Variants in RAPGEF2 observed in about 807,000 individuals in gnomAD.
RAPGEF2 encodes the protein PDZ domain containing guanine nucleotide exchange factor (GEF) 1.
In RAPGEF2, 54 loss-of-function variants were observed where a neutral mutation model predicts 186.7. That is an observed-to-expected ratio of 0.29 (90% confidence interval 0.23 to 0.36). The LOEUF (loss-of-function observed/expected upper bound fraction) is 0.36. RAPGEF2 is among the 10% of genes least tolerant of loss of function. The pLI is 1.00. For synonymous variants in RAPGEF2, 712 were observed against 705.9 expected (o/e 1.01, Z -0.14); for missense variants, 1,532 against 2,045.0 (o/e 0.75, Z 4.84).
chr4:159,273,642 CTTTCTTT>C (rs1758420865), intron 7 of RAPGEF2, among the ~76,000 whole-genome samples: 45 of 109,566 alleles, frequency 4.1e-4, no homozygotes, highest in African/African-American at 1.2e-3. Context: ...TTCTTTCTTT[CTTTCTTT>C]CTTTCTTTCT....
Position 159,355,896 on chromosome 4 carries a change from C to CCCCCCAAAAT in RAPGEF2, c.4695_4696insCCCCCAAAAT (p.Gly1566ProfsTer12). ...ATCGAGAGCCCCCGCCCACCCCTCC[C>CCCCCCAAAAT]GGCTACATTGGAATTCCCATTACTG... On this transcript the variant is annotated frameshift_variant, in exon 29 of 30. Coordinates refer to ENST00000691494, the MANE Select transcript of RAPGEF2 (RefSeq NM_001394067.2). LOFTEE classifies it high-confidence loss of function. The CCCCCCAAAAT allele has an allele frequency of 6.4e-7, 1 of 1,555,878 alleles. No homozygotes were observed. Among genetic ancestry groups the CCCCCCAAAAT allele is most frequent in the Non-Finnish European group, 8.7e-7 (1 of 1,149,392 alleles).
At chr4:159,336,561 A>G (rs1767450568) in intron 17 of RAPGEF2, among the ~76,000 whole-genome samples, 1 of 151,908 alleles carries the variant, frequency 6.6e-6, no homozygotes, top group African/African-American at 2.4e-5. Context: ...TTCTTTATCC[A>G]CTCATTAGTC....
chr4:159,347,085 TTGTC>T, intron 25 of RAPGEF2, 87 bp downstream of exon 25: 2 of 1,235,832 alleles, frequency 1.6e-6, no homozygotes, highest in Non-Finnish European at 2.3e-6. Flanking sequence ...TTGGATAACT[TTGTC>T]TAATATATTT....
At chr4:159,343,456 A>G (rs776270161) in intron 22 of RAPGEF2, 52 bp downstream of exon 22, 1 of 1,583,484 alleles carries the variant, frequency 6.3e-7, no homozygotes, top group East Asian at 2.3e-5. Flanking sequence ...GGTTAAATTT[A>G]GAGCTTCCCA....
At chr4:159,168,161 T>A (rs1241746532) in intron 1 of RAPGEF2, among the ~76,000 whole-genome samples, 1 of 152,156 alleles carries the variant, frequency 6.6e-6, no homozygotes, top group Non-Finnish European at 1.5e-5. Context: ...AGTTACCTCT[T>A]TACTTTCATA....
intron 7 of RAPGEF2, among the ~76,000 whole-genome samples, chr4:159,256,617 C>T (rs754477792): frequency 2.0e-5 from 3 of 152,166 alleles, no homozygotes; most frequent in Non-Finnish European, 2.9e-5. Context: ...TTTGAAGAAT[C>T]GCCACACTGT....
intron 7 of RAPGEF2, among the ~76,000 whole-genome samples, chr4:159,281,782 T>C (rs1759757035): frequency 6.6e-6 from 1 of 152,154 alleles, no homozygotes; most frequent in Admixed American, 6.5e-5. Context: ...TGATTTTCTT[T>C]AGTCATCTTA....
chr4:159,173,880 A>G (rs1485852216), intron 1 of RAPGEF2, among the ~76,000 whole-genome samples: 1 of 152,230 alleles, frequency 6.6e-6, no homozygotes, highest in African/African-American at 2.4e-5. Flanking sequence ...ATTTGACTAC[A>G]AATATTGCAG....
At chr4:159,131,140 C>T (rs1046993397) in intron 1 of RAPGEF2, among the ~76,000 whole-genome samples, 3 of 149,334 alleles carry the variant, frequency 2.0e-5, no homozygotes, top group South Asian at 2.1e-4. Context: ...GACAGAATTT[C>T]GCCCTTGTTG....
chr4:159,291,787 T>C (rs80196867), intron 7 of RAPGEF2, among the ~76,000 whole-genome samples: 1 of 78,358 alleles, frequency 1.3e-5, no homozygotes, highest in Admixed American at 1.3e-4. Flanking sequence ...AGTGCTGTTG[T>C]TTTTTTTTTT....
intron 1 of RAPGEF2, among the ~76,000 whole-genome samples, chr4:159,110,549 G>A (rs1304249249): frequency 6.6e-6 from 1 of 152,166 alleles, no homozygotes; most frequent in Admixed American, 6.5e-5. Flanking sequence ...TTGCACTCCA[G>A]CCTGGGTAAC....
chr4:159,218,313 T>C (rs1751177236), intron 4 of RAPGEF2, among the ~76,000 whole-genome samples: 1 of 152,200 alleles, frequency 6.6e-6, no homozygotes, highest in Admixed American at 6.5e-5. Flanking sequence ...CTACAAATCA[T>C]GTTAAAACTG....
At chr4:159,214,178 CTG>C (rs965542880) in intron 4 of RAPGEF2, among the ~76,000 whole-genome samples, 26 of 152,184 alleles carry the variant, frequency 1.7e-4, no homozygotes, top group African/African-American at 5.1e-4. Flanking sequence ...ACAGAGCAAA[CTG>C]TGATGTGTTT....
intron 7 of RAPGEF2, among the ~76,000 whole-genome samples, chr4:159,259,533 A>G (rs1305504589): frequency 6.6e-6 from 1 of 152,214 alleles, no homozygotes; most frequent in Non-Finnish European, 1.5e-5. Context: ...AGTTTTTACT[A>G]GTAAGTAGCA....
At chr4:159,297,220 G>A (rs969514013) in intron 7 of RAPGEF2, among the ~76,000 whole-genome samples, 3 of 152,140 alleles carry the variant, frequency 2.0e-5, no homozygotes, top group Non-Finnish European at 4.4e-5. Flanking sequence ...AGCAAGGAAC[G>A]TTTGAAATGC....
Position 159,314,783 on chromosome 4 carries a change from G to A in RAPGEF2, c.853+15G>A, listed in dbSNP as rs2111110240. 6.4e-7 allele frequency: 1 copy of A among 1,565,586 alleles called. No homozygotes were observed. Among genetic ancestry groups the A allele is most frequent in the South Asian group, 1.2e-5 (1 of 83,888 alleles). ...TGATGACATTGGTAAGCTTGAACAG[G>A]AAAATGAATCTACGAGCAATTAAAA... is the stretch of plus-strand genomic sequence containing the variant. On this transcript the variant is annotated intron_variant, in intron 9 of 29. Coordinates refer to ENST00000691494, the MANE Select transcript of RAPGEF2 (RefSeq NM_001394067.2).
intron 4 of RAPGEF2, among the ~76,000 whole-genome samples, chr4:159,221,003 T>G (rs74469110): frequency 0.016 from 2,440 of 152,176 alleles, 18 homozygotes; most frequent in Middle Eastern, 0.068. Context: ...GGTTGGAAGG[T>G]AATGGAAGGA....
intron 8 of RAPGEF2, among the ~76,000 whole-genome samples, chr4:159,311,810 A>G (rs931132588): frequency 3.3e-5 from 5 of 152,200 alleles, no homozygotes; most frequent in African/African-American, 1.2e-4. Context: ...TTATGAAATT[A>G]GTAGGTCCCT....
chr4:159,356,399 T>G (rs896705268), intron 29 of RAPGEF2, among the ~76,000 whole-genome samples: 3 of 152,164 alleles, frequency 2.0e-5, no homozygotes, highest in African/African-American at 4.8e-5. Context: ...GGGAGTCACT[T>G]AAAATACAGT....
Sources: allele counts gnomAD v4.1 joint callset (sites outside exome capture counted in the v4.1 genomes callset), GRCh38; gene constraint gnomAD v4.1.1; transcripts MANE v1.5; gene names NCBI Gene and HGNC (gene_info 2026-07-23, HGNC 2026-07-21).